Variants in NRG2 observed in about 807,000 individuals in gnomAD.
The protein encoded by NRG2 is neuregulin 2, also known as pro-neuregulin-2, membrane-bound isoform.
NRG2 carries 27 observed loss-of-function variants against 73.9 expected under a neutral mutation model. That is an observed-to-expected ratio of 0.37 (90% CI 0.27 to 0.50). The LOEUF (loss-of-function observed/expected upper bound fraction) is 0.50. Ranked by LOEUF, NRG2 falls within the 20% of genes least tolerant of loss-of-function variation. The pLI is 0.96. For missense variants in NRG2, 1,126 were observed against 1,210.1 expected, an observed-to-expected ratio of 0.93 and a Z score of 1.03; for synonymous variants, 532 against 541.0, an observed-to-expected ratio of 0.98 and a Z score of 0.23.
chr5:139,993,055 T>G (rs1235220029), intron 1 of NRG2, among the ~76,000 whole-genome samples: 1 of 152,082 alleles, frequency 6.6e-6, no homozygotes, highest in African/African-American at 2.4e-5. Flanking sequence ...TCCTCTGTTG[T>G]GTGTTGATTT....
At chr5:139,925,215 G>GA (rs1172942412) in intron 1 of NRG2, among the ~76,000 whole-genome samples, 1 of 152,166 alleles carries the variant, frequency 6.6e-6, no homozygotes, top group Non-Finnish European at 1.5e-5. Context: ...TACCAGGGTA[G>GA]AAAATTCCCT....
At chr5:140,012,052 G>A (rs1561751457) in intron 1 of NRG2, among the ~76,000 whole-genome samples, 1 of 152,114 alleles carries the variant, frequency 6.6e-6, no homozygotes, top group Non-Finnish European at 1.5e-5. Flanking sequence ...CACTGCCCAT[G>A]GCACCTGGGG....
In NRG2 at chr5:140,043,085, G is replaced by A. The variant is rs369753660; in HGVS notation, c.-16C>T. 2,446 of 1,571,056 alleles carry A rather than the reference G, an allele frequency of 1.6e-3. 1 individual carries two copies. Among genetic ancestry groups the A allele is most frequent in the Non-Finnish European group, 2.0e-3 (2,313 of 1,167,830 alleles). The stretch of plus-strand genomic sequence containing the variant: ...CCTGCCGCATCTGGCCAGGCCATTT[G>A]GGGGGCTCCGCCGCTCAGCCGCCGC... On this transcript the variant is annotated 5_prime_UTR_variant, in exon 1 of 10. Transcript: ENST00000361474. This position sits in a 1 kb window ranked among gnomAD's most constrained non-coding sequence, Gnocchi z 6.7.
At chr5:140,013,963 G>A (rs1759569946) in intron 1 of NRG2, among the ~76,000 whole-genome samples, 1 of 151,982 alleles carries the variant, frequency 6.6e-6, no homozygotes, top group Admixed American at 6.6e-5. Context: ...CTTTAATATT[G>A]TAGTGTCTAG....
At chr5:139,999,096 T>C (rs1194755667) in intron 1 of NRG2, among the ~76,000 whole-genome samples, 1 of 151,804 alleles carries the variant, frequency 6.6e-6, no homozygotes, top group Non-Finnish European at 1.5e-5. Context: ...CTAGCTGGAG[T>C]TCCTCATCCT....
intron 1 of NRG2, among the ~76,000 whole-genome samples, chr5:139,890,347 C>T (rs1052589724): frequency 6.6e-6 from 1 of 152,136 alleles, no homozygotes; most frequent in East Asian, 1.9e-4. Context: ...TTTGTAAGAA[C>T]TTTTTATAAA....
intron 5 of NRG2, chr5:139,864,976 G>A (rs1475536257): frequency 2.1e-5 from 16 of 767,326 alleles, no homozygotes; most frequent in Middle Eastern, 2.4e-4. Flanking sequence ...TGGGGGTGCC[G>A]GGGGTGTTTC....
intron 3 of NRG2, among the ~76,000 whole-genome samples, chr5:139,875,808 G>A (rs1042596227): frequency 2.0e-5 from 3 of 152,122 alleles, no homozygotes; most frequent in Non-Finnish European, 4.4e-5. Context: ...ACTTTCACTA[G>A]GATGGCCAGA....
chr5:139,944,736 CT>C (rs1753677541), intron 1 of NRG2, among the ~76,000 whole-genome samples: 1 of 152,134 alleles, frequency 6.6e-6, no homozygotes, highest in African/African-American at 2.4e-5. Context: ...GCAAATGTCT[CT>C]CACATGTAAT....
chr5:139,943,784 T>C (rs751919166), intron 1 of NRG2, among the ~76,000 whole-genome samples: 10 of 152,216 alleles, frequency 6.6e-5, no homozygotes, highest in Non-Finnish European at 1.5e-4. Flanking sequence ...GATACACATG[T>C]CACTTATTAA....
Position 139,931,256 on chromosome 5 carries a change from G to A in NRG2, c.701-43745C>T, listed in dbSNP as rs1188300202. 8.2e-4 allele frequency among the ~76,000 whole-genome samples: 125 copies of A among 152,210 alleles called. 1 individual carries two copies. Among genetic ancestry groups the A allele is most frequent in the Non-Finnish European group, 2.9e-5 (2 of 68,040 alleles). ...AAGACATATTCCCAATCCTGAAAGA[G>A]TTTATAATCTAGTTAGGAATACAAA... On this transcript the variant is annotated intron_variant, in intron 1 of 9. Coordinates refer to ENST00000361474, the MANE Select transcript of NRG2 (RefSeq NM_004883.3).
chr5:139,884,217 C>T (rs1763724287), intron 2 of NRG2, among the ~76,000 whole-genome samples: 2 of 152,150 alleles, frequency 1.3e-5, no homozygotes, highest in South Asian at 4.1e-4. Context: ...AGCAATGAAG[C>T]CATGTCTAAG....
chr5:139,938,387 T>G (rs944967367), intron 1 of NRG2, among the ~76,000 whole-genome samples: 1 of 152,028 alleles, frequency 6.6e-6, no homozygotes, highest in Non-Finnish European at 1.5e-5. Flanking sequence ...GACAGGGTCT[T>G]GTTCTGTCTC....
At chr5:139,891,343 T>G (rs1241231704) in intron 1 of NRG2, among the ~76,000 whole-genome samples, 2 of 152,138 alleles carry the variant, frequency 1.3e-5, no homozygotes, top group African/African-American at 4.8e-5. Flanking sequence ...AGCTCCAAAG[T>G]AATCGCCGGC....
At chr5:140,000,726 A>G (rs1349215868) in intron 1 of NRG2, among the ~76,000 whole-genome samples, 1 of 152,204 alleles carries the variant, frequency 6.6e-6, no homozygotes, top group Admixed American at 6.5e-5. Context: ...TGCTGCAGCC[A>G]GGATTGGCTT....
intron 2 of NRG2, among the ~76,000 whole-genome samples, chr5:139,882,665 C>T (rs1763595150): frequency 1.3e-5 from 2 of 152,072 alleles, no homozygotes; most frequent in African/African-American, 4.8e-5. Flanking sequence ...TCCCTGTGCA[C>T]ACACCAGATT....
chr5:139,848,766 TGGGGTA>T, intron 9 of NRG2, 69 bp from the exon 10 acceptor site: 1 of 34,410 alleles, frequency 2.9e-5, no homozygotes, highest in East Asian at 5.3e-4. Context: ...GGGTTGGGGG[TGGGGTA>T]GGGTGGGAGG....
intron 1 of NRG2, among the ~76,000 whole-genome samples, chr5:139,978,421 C>T (rs1038087497): frequency 1.3e-5 from 2 of 152,164 alleles, no homozygotes; most frequent in South Asian, 2.1e-4. Flanking sequence ...GTTAGAATGG[C>T]GATCATTAAA....
intron 1 of NRG2, among the ~76,000 whole-genome samples, chr5:139,888,478 C>T (rs1350693758): frequency 6.6e-6 from 1 of 152,184 alleles, no homozygotes; most frequent in African/African-American, 2.4e-5. Context: ...GGTTAAAAGC[C>T]TTCCAGTAGC....
Sources: gnomAD v4.1 joint callset for allele counts (sites outside exome capture counted in the v4.1 genomes callset) on GRCh38, gnomAD v4.1.1 for gene constraint, Gnocchi (gnomAD v3.1) non-coding constraint, MANE v1.5 for transcripts, NCBI Gene and HGNC (gene_info 2026-07-23, HGNC 2026-07-21) for gene names.